Variants in HMGB1 observed in about 807,000 individuals in gnomAD.
HMGB1 encodes high mobility group box 1, also known as high mobility group protein B1.
For missense variants in HMGB1, 79 were observed against 253.5 expected (o/e 0.31, Z 4.67); for synonymous variants, 81 against 84.0 (o/e 0.96, Z 0.19).
chr13:30,474,860 T>A (rs12429389), intron 1 of HMGB1, among the ~76,000 whole-genome samples: 2 of 148,228 alleles, frequency 1.3e-5, no homozygotes, highest in South Asian at 4.3e-4. Context: ...TTTTGTTTTT[T>A]TTTTTTTGAG....
At chr13:30,615,258 T>C (rs924068473) in intron 1 of HMGB1, among the ~76,000 whole-genome samples, 1 of 152,230 alleles carries the variant, frequency 6.6e-6, no homozygotes, top group Admixed American at 6.5e-5. Flanking sequence ...AAGTTACTTT[T>C]TTAAATATAC....
At chr13:30,541,352 CATGTAAAT>C (rs149458395) in intron 1 of HMGB1, among the ~76,000 whole-genome samples, 58 of 146,464 alleles carry the variant, frequency 4.0e-4, no homozygotes, top group African/African-American at 1.4e-3. Flanking sequence ...AGAACAATCT[CATGTAAAT>C]ATGGGAAGTC....
Position 30,536,295 on chromosome 13 carries a change from C to CT in HMGB1, c.-14-72602dup, listed in dbSNP as rs556285547. 2.6e-3 allele frequency among the ~76,000 whole-genome samples: 388 copies of CT among 151,444 alleles called. 1 individual carries two copies. Among genetic ancestry groups the CT allele is most frequent in the African/African-American group, 8.8e-3 (365 of 41,308 alleles). On this transcript the variant is annotated intron_variant, in intron 1 of 4. Coordinates refer to the HMGB1 transcript ENST00000405805. Reference sequence around the variant, plus strand: ...CTATCATAGGGTATTAGGATTCAGACTTTTTTTTTAACTTTTGCTTCACAA... The same window carrying CT: ...CTATCATAGGGTATTAGGATTCAGACTTTTTTTTTTAACTTTTGCTTCACAA...
In HMGB1 at chr13:30,460,911, A is replaced by G; in HGVS notation, c.*446T>C. On this transcript the variant is annotated 3_prime_UTR_variant, in exon 5 of 5. Transcript: ENST00000341423. ...CAACAATACTAATAAAAAAAATTGT[A>G]TTTACTTAGAAGCATTCAGAATGTC... The G allele has an allele frequency of 2.6e-6, 2 of 776,394 alleles. No homozygotes were observed. Among genetic ancestry groups the G allele is most frequent in the Non-Finnish European group, 3.1e-6 (2 of 639,356 alleles). 48.1% of individuals were successfully genotyped at this position (776,394 alleles called of 1,614,324 possible). A position where few individuals can be genotyped will look rare whatever the true frequency, so the allele number is the denominator to read the frequency against.
chr13:30,554,600 G>GA (rs1455729474), intron 1 of HMGB1: 1 of 771,340 alleles, frequency 1.3e-6, no homozygotes, highest in Non-Finnish European at 2.4e-6. Flanking sequence ...AATAATGACT[G>GA]AAAAATACAA....
intron 1 of HMGB1, among the ~76,000 whole-genome samples, chr13:30,584,808 T>C (rs1048213985): frequency 2.6e-5 from 4 of 152,176 alleles, no homozygotes; most frequent in African/African-American, 9.7e-5. Flanking sequence ...TCTAGCAATA[T>C]GTATTTATCA....
intron 3 of HMGB1, 65 bp downstream of exon 3, chr13:30,463,142 G>A: frequency 1.4e-6 from 2 of 1,468,074 alleles, no homozygotes; most frequent in South Asian, 1.2e-5. Flanking sequence ...AAAGTAGCTT[G>A]CTAAATTTCT....
intron 1 of HMGB1, among the ~76,000 whole-genome samples, chr13:30,574,775 G>T (rs1323898211): frequency 2.0e-5 from 3 of 152,192 alleles, no homozygotes; most frequent in Admixed American, 2.0e-4. Flanking sequence ...CCTTACTGCA[G>T]AAATGTATAC....
At chr13:30,512,178 T>C (rs1167517813) in intron 1 of HMGB1, among the ~76,000 whole-genome samples, 1 of 149,346 alleles carries the variant, frequency 6.7e-6, no homozygotes, top group Non-Finnish European at 1.5e-5. Flanking sequence ...TTGGCAAGAG[T>C]AAATCAAAAG....
At chr13:30,475,546 C>A (rs909329820) in intron 1 of HMGB1, among the ~76,000 whole-genome samples, 1 of 148,530 alleles carries the variant, frequency 6.7e-6, no homozygotes, top group African/African-American at 2.5e-5. Flanking sequence ...AAAAAAAATT[C>A]CCTGGGTGTG....
Position 30,456,886 on chromosome 13 carries a change from C to T in HMGB1, c.*4471G>A, listed in dbSNP as rs1308939640. Reference sequence around the variant, plus strand: ...CCCACACATGCCTGAGAGAAATGTACAGATGTTCAGCGCAGTACTGTTAAA... The same window carrying T: ...CCCACACATGCCTGAGAGAAATGTATAGATGTTCAGCGCAGTACTGTTAAA... On this transcript the variant is annotated 3_prime_UTR_variant, in exon 5 of 5. Coordinates refer to ENST00000341423, the MANE Select transcript of HMGB1 (RefSeq NM_002128.7). 6.7e-6 allele frequency: 1 copy of T among 150,054 alleles called. No homozygotes were observed. The highest frequency in any genetic ancestry group is 2.5e-5 in the African/African-American group (1 of 40,618). The allele number at this position is 150,054 out of a possible 1,614,324, so 9.3% of individuals were successfully genotyped here.
At chr13:30,521,889 T>C (rs1343764763) in intron 1 of HMGB1, among the ~76,000 whole-genome samples, 1 of 152,244 alleles carries the variant, frequency 6.6e-6, no homozygotes, top group African/African-American at 2.4e-5. Flanking sequence ...TGTTATTATC[T>C]GTTTTTGTGA....
chr13:30,586,518 C>T (rs865949006), intron 1 of HMGB1, among the ~76,000 whole-genome samples: 235 of 108,792 alleles, frequency 2.2e-3, no homozygotes, highest in African/African-American at 7.1e-3. Context: ...GATGGAGTTT[C>T]GCTCTGTTGC....
chr13:30,461,715 A>G, intron 4 of HMGB1, 182 bp from the exon 5 acceptor site: 2 of 1,493,024 alleles, frequency 1.3e-6, no homozygotes, highest in Middle Eastern at 1.7e-4. Flanking sequence ...TAAAAATACA[A>G]GATCATTATA....
intron 1 of HMGB1, among the ~76,000 whole-genome samples, chr13:30,523,389 G>T (rs1888282529): frequency 6.6e-6 from 1 of 152,176 alleles, no homozygotes; most frequent in South Asian, 2.1e-4. Context: ...GCTGAGCAAG[G>T]GAAAAGGCCT....
intron 1 of HMGB1, among the ~76,000 whole-genome samples, chr13:30,494,912 G>T (rs1174325122): frequency 1.3e-5 from 2 of 152,074 alleles, no homozygotes; most frequent in African/African-American, 2.4e-5. Flanking sequence ...GCATATAAGA[G>T]AAATCATGCA....
chr13:30,573,931 G>A (rs1223741860), intron 1 of HMGB1, among the ~76,000 whole-genome samples: 1 of 152,148 alleles, frequency 6.6e-6, no homozygotes, highest in African/African-American at 2.4e-5. Context: ...TGGGATTACA[G>A]GCGTGAGCCA....
At chr13:30,476,118 CTTTTT>C (rs71093065) in intron 1 of HMGB1, among the ~76,000 whole-genome samples, 1 of 109,496 alleles carries the variant, frequency 9.1e-6, no homozygotes, top group Non-Finnish European at 1.8e-5. Flanking sequence ...GTGGCATGTA[CTTTTT>C]TTTTTTTTTT....
At chr13:30,616,264 TTG>T (rs1423102185) in intron 1 of HMGB1, among the ~76,000 whole-genome samples, 1 of 152,228 alleles carries the variant, frequency 6.6e-6, no homozygotes, top group African/African-American at 2.4e-5. Context: ...CGCCTCCATT[TTG>T]TTTCTGTTAC....
Sources: gnomAD v4.1 joint callset for allele counts (sites outside exome capture counted in the v4.1 genomes callset) on GRCh38, gnomAD v4.1.1 for gene constraint, MANE v1.5 for transcripts, NCBI Gene and HGNC (gene_info 2026-07-23, HGNC 2026-07-21) for gene names.